Variants in PHC1 observed in about 807,000 individuals in gnomAD.
The protein encoded by PHC1 is polyhomeotic homolog 1, also known as polyhomeotic-like protein 1.
PHC1 carries 12 observed loss-of-function variants against 104.3 expected under a neutral mutation model. The observed-to-expected ratio is 0.12, with a 90% confidence interval of 0.07 to 0.19. PHC1 has a LOEUF of 0.19. PHC1 is among the 10% of genes least tolerant of loss of function. PHC1 has a pLI of 1.00. For synonymous variants in PHC1, 302 were observed against 455.8 expected (o/e 0.66, Z 4.30); for missense variants, 671 against 1,200.0 (o/e 0.56, Z 6.51).
chr12:8,922,133 C>T (rs1296253520), intron 5 of PHC1, among the ~76,000 whole-genome samples: 1 of 152,120 alleles, frequency 6.6e-6, no homozygotes. Flanking sequence ...TTTTTTAAAC[C>T]ATGGTAACCC....
At chr12:8,939,184 C>A in intron 14 of PHC1, 121 bp from the exon 15 acceptor site, 2 of 1,237,472 alleles carry the variant, frequency 1.6e-6, no homozygotes, top group Non-Finnish European at 2.3e-6. Flanking sequence ...TGCCATCTGA[C>A]TTCATATTAC....
chr12:8,937,304 A>G lies in PHC1; in HGVS notation c.2606A>G (p.Lys869Arg). Residue 869 changes from lysine (K) to arginine (R), a missense_variant, in exon 13 of 15, where the codon AAG (lysine) becomes AGG (arginine). By Grantham distance (26) the Lys-to-Arg change is conservative. Around this residue, in one of 9 missense-constraint regions of PHC1, gnomAD observed 192 missense variants for 280.5 expected, o/e 0.68. Transcript: ENST00000544916. Reference protein sequence around the residue: ...RRSSSDIARAKIQGKCHRGQE... With the variant: ...RRSSSDIARARIQGKCHRGQE... ...AGCTCCTCTGACATTGCCCGTGCCA[A>G]GATTCAGGGCAAGTGCCACCGGGTG... 3.1e-6 allele frequency: 5 copies of G among 1,609,998 alleles called. No homozygotes were observed. The highest frequency in any genetic ancestry group is 4.2e-6 in the Non-Finnish European group (5 of 1,178,038).
rs2137154291 is a variant in PHC1 at position 8,941,153 on chromosome 12, T to A, written c.*1694T>A. 1.4e-5 allele frequency: 2 copies of A among 147,992 alleles called. No individual in the cohort carries two copies. The highest frequency in any genetic ancestry group is 4.4e-4 in the South Asian group (2 of 4,578). 9.2% of individuals were successfully genotyped at this position (147,992 alleles called of 1,614,324 possible). A position where few individuals can be genotyped will look rare whatever the true frequency, so the allele number is the denominator to read the frequency against. ...CCACAGTCCTTAGCCCAATCCCAGC[T>A]ATACAGTCACCCCAATTTCCACAAA... On this transcript the variant is annotated 3_prime_UTR_variant, in exon 15 of 15. Transcript: ENST00000544916.
At chr12:8,935,657 C>T (rs1467821219) in intron 11 of PHC1, among the ~76,000 whole-genome samples, 1 of 152,022 alleles carries the variant, frequency 6.6e-6, no homozygotes. Flanking sequence ...TGAAGTCTGT[C>T]TACATATAGA....
chr12:8,921,758 A>G lies in PHC1; in HGVS notation c.456+8A>G. ...GCCCAGATGTATCTACGGGTAAGCC[A>G]CAGATGCAGTCACCATTGCCCCAGA... On this transcript the variant is annotated splice_region_variant and intron_variant, in intron 5 of 14. Coordinates refer to ENST00000544916, the MANE Select transcript of PHC1 (RefSeq NM_004426.3). 1 of 1,585,864 alleles carries G rather than the reference A, an allele frequency of 6.3e-7. No homozygotes were observed. Among genetic ancestry groups the G allele is most frequent in the Non-Finnish European group, 8.6e-7 (1 of 1,167,980 alleles).
intron 11 of PHC1, 61 bp from the exon 12 acceptor site, chr12:8,936,795 A>G (rs779870717): frequency 1.9e-6 from 2 of 1,040,216 alleles, no homozygotes; most frequent in Admixed American, 3.8e-5. Flanking sequence ...TCTGAGCCTA[A>G]TGATTGCCTG....
At chr12:8,935,806 G>A (rs1223269668) in intron 11 of PHC1, among the ~76,000 whole-genome samples, 1 of 151,952 alleles carries the variant, frequency 6.6e-6, no homozygotes, top group Non-Finnish European at 1.5e-5. Flanking sequence ...TGTTGCCCAG[G>A]CTGGAGTGCA....
At chr12:8,928,116 C>T (rs2137095411) in intron 6 of PHC1, among the ~76,000 whole-genome samples, 2 of 151,968 alleles carry the variant, frequency 1.3e-5, no homozygotes, top group South Asian at 2.1e-4. Context: ...CCATGTTGCT[C>T]CTGCTGGTCT....
In PHC1 at chr12:8,930,600, C is replaced by G. The variant is rs1945654381; in HGVS notation, c.778C>G (p.Gln260Glu). The change falls in exon 7 of 15, where the codon CAG (glutamine) becomes GAG (glutamate). Residue 260 changes from glutamine to glutamate, a missense_variant. Around this residue, in one of 9 missense-constraint regions of PHC1, gnomAD observed 237 missense variants for 331.1 expected, o/e 0.72. Transcript: ENST00000544916. Reference protein sequence around the residue: ...VAQASSGATNQSLNLSQAGGG... With the variant: ...VAQASSGATNESLNLSQAGGG... ...ACAGGCTTCCTCTGGGGCCACAAAC[C>G]AGTCCCTCAACCTTAGTCAAGCTGG... 2.6e-6 allele frequency: 4 copies of G among 1,548,388 alleles called. No homozygotes were observed. The highest frequency in any genetic ancestry group is 1.4e-5 in the African/African-American group (1 of 73,008).
intron 4 of PHC1, 51 bp from the exon 5 acceptor site, chr12:8,921,550 C>G: frequency 1.3e-6 from 2 of 1,572,162 alleles, no homozygotes; most frequent in Non-Finnish European, 8.7e-7. Context: ...ACGTACCTTT[C>G]CTTTTACTTC....
In PHC1 at chr12:8,936,888, G is replaced by A; in HGVS notation, c.2401G>A (p.Glu801Lys). 1 of 1,612,142 alleles carries A rather than the reference G, an allele frequency of 6.2e-7. No homozygotes were observed. The highest frequency in any genetic ancestry group is 8.5e-7 in the Non-Finnish European group (1 of 1,178,350). ...LDKKANLLKCEYCGKYAPAEQ... is the reference protein window; with the variant it reads ...LDKKANLLKCKYCGKYAPAEQ... ...TAAGAAGGCGAATCTCCTGAAGTGC[G>A]AGTACTGTGGGAAGTACGCCCCCGC... Residue 801 changes from glutamate (E) to lysine (K), a missense_variant, in exon 12 of 15, where the codon GAG becomes AAG. By Grantham distance (56) the Glu-to-Lys change is moderately conservative (BLOSUM62 1). Around this residue, in one of 9 missense-constraint regions of PHC1, gnomAD observed 192 missense variants for 280.5 expected, o/e 0.68. Transcript: ENST00000544916.
At chr12:8,924,628 TAG>T (rs1476559520) in intron 6 of PHC1, among the ~76,000 whole-genome samples, 4 of 152,266 alleles carry the variant, frequency 2.6e-5, no homozygotes, top group African/African-American at 4.8e-5. Flanking sequence ...AGAAGAAAAC[TAG>T]AGAGAGAACA....
intron 6 of PHC1, among the ~76,000 whole-genome samples, chr12:8,926,511 C>T (rs769378921): frequency 6.6e-6 from 1 of 152,108 alleles, no homozygotes; most frequent in South Asian, 2.1e-4. Context: ...CCCCAGTTAA[C>T]TTGGGAGGCT....
chr12:8,921,478 C>T (rs1945361548), intron 4 of PHC1, 123 bp from the exon 5 acceptor site: 4 of 852,488 alleles, frequency 4.7e-6, no homozygotes, highest in East Asian at 2.7e-5. Flanking sequence ...TTATTTATTT[C>T]CCCCGGCTCC....
chr12:8,924,095 T>C (rs183081391), intron 6 of PHC1, among the ~76,000 whole-genome samples: 2 of 152,286 alleles, frequency 1.3e-5, no homozygotes, highest in Admixed American at 1.3e-4. Context: ...ACTAATCCCC[T>C]GTGGATACCA....
rs1275415425 is a variant in PHC1, at chr12:8,919,431, TAAAAA to T, written c.115-321_115-317del. Among the ~76,000 whole-genome samples, 1 of 151,890 alleles carries T rather than the reference TAAAAA, an allele frequency of 6.6e-6. No individual in the cohort carries two copies. The highest frequency in any genetic ancestry group is 1.5e-5 in the Non-Finnish European group (1 of 67,946). The stretch of plus-strand genomic sequence containing the variant: ...CATAGCAAGACCCCATCTCTAAAAA[TAAAAA>T]AAATTAGCTGGACATGGTGGTGCAT... On this transcript the variant is annotated intron_variant, in intron 2 of 14. Transcript: ENST00000544916. The surrounding 1 kb of genome is among the most constrained non-coding windows in gnomAD (Gnocchi z 4.9).
At chr12:8,923,356 G>C (rs929421673) in intron 6 of PHC1, among the ~76,000 whole-genome samples, 3 of 152,040 alleles carry the variant, frequency 2.0e-5, no homozygotes, top group Non-Finnish European at 2.9e-5. Context: ...TTATAGATGG[G>C]ACACAACCTA....
At chr12:8,933,748 G>A in intron 8 of PHC1, 117 bp from the exon 9 acceptor site, 1 of 785,666 alleles carries the variant, frequency 1.3e-6, no homozygotes. Context: ...ATGGGAAGTA[G>A]ATAAATTGGG....
chr12:8,939,154 T>A, intron 14 of PHC1, 151 bp from the exon 15 acceptor site: 1 of 958,166 alleles, frequency 1.0e-6, no homozygotes, highest in Non-Finnish European at 1.6e-6. Flanking sequence ...GCTTTCTAAT[T>A]TCATTTTGCT....
Sources: gnomAD v4.1 joint callset for allele counts (sites outside exome capture counted in the v4.1 genomes callset) on GRCh38, gnomAD v4.1.1 for gene constraint, gnomAD v4.1.1 regional missense constraint, Gnocchi (gnomAD v3.1) non-coding constraint, MANE v1.5 for transcripts, NCBI Gene and HGNC (gene_info 2026-07-23, HGNC 2026-07-21) for gene names.